Variants in RAB8B observed in about 807,000 individuals in gnomAD.
The protein encoded by RAB8B is ras-related protein Rab-8B.
Under a neutral mutation model 32.0 loss-of-function variants are expected in RAB8B, and 11 were observed. The ratio of observed to expected loss-of-function variants is 0.34; its 90% CI spans 0.22 to 0.57. RAB8B has a LOEUF of 0.57. RAB8B is among the 20% of genes least tolerant of loss of function. The pLI is 0.86. For missense variants in RAB8B, 190 were observed against 258.5 expected (o/e 0.73, Z 1.82); for synonymous variants, 103 against 89.6 (o/e 1.15, Z -0.85).
intron 3 of RAB8B, 62 bp downstream of exon 3, chr15:63,249,767 C>G: frequency 1.3e-6 from 2 of 1,499,124 alleles, no homozygotes; most frequent in South Asian, 2.3e-5. Flanking sequence ...TGTTTGTTTG[C>G]CAAGATTATA....
chr15:63,216,705 C>G (rs1001008025), intron 1 of RAB8B, among the ~76,000 whole-genome samples: 14 of 151,628 alleles, frequency 9.2e-5, no homozygotes, highest in African/African-American at 3.4e-4. Context: ...ACTAAAAATA[C>G]AAAAATTAGT....
intron 1 of RAB8B, among the ~76,000 whole-genome samples, chr15:63,228,758 T>C (rs1443270469): frequency 3.3e-5 from 5 of 152,250 alleles, no homozygotes; most frequent in Admixed American, 3.3e-4. Flanking sequence ...AACAAGATTA[T>C]ACTAAATGCT....
chr15:63,233,829 AG>A (rs1241244440), intron 1 of RAB8B, among the ~76,000 whole-genome samples: 1 of 152,180 alleles, frequency 6.6e-6, no homozygotes, highest in African/African-American at 2.4e-5. Context: ...TAACTGTAAA[AG>A]CACAGTATTT....
chr15:63,248,674 G>A lies in RAB8B; in HGVS notation c.186-971G>A, dbSNP rs769023181. Among the ~76,000 whole-genome samples the A allele has an allele frequency of 6.6e-6, 1 of 152,180 alleles. No homozygotes were observed. The highest frequency in any genetic ancestry group is 1.5e-5 in the Non-Finnish European group (1 of 68,042). ...CCTAATGGGCTGTGGTAGACATCAC[G>A]TGAGTGCAGTGTGAAAGTATTTTGT... On this transcript the variant is annotated intron_variant, in intron 2 of 7. Transcript: ENST00000321437. This position sits in a 1 kb window ranked among gnomAD's most constrained non-coding sequence, Gnocchi z 4.4.
At chr15:63,228,574 G>C (rs565948472) in intron 1 of RAB8B, among the ~76,000 whole-genome samples, 1 of 152,364 alleles carries the variant, frequency 6.6e-6, no homozygotes, top group South Asian at 2.1e-4. Flanking sequence ...CCCACATGCT[G>C]TCTTGCAGGT....
intron 1 of RAB8B, among the ~76,000 whole-genome samples, chr15:63,244,532 G>A (rs1156418039): frequency 2.6e-5 from 4 of 152,104 alleles, no homozygotes; most frequent in African/African-American, 9.7e-5. Flanking sequence ...GAATAATGAG[G>A]CATATAATAC....
At chr15:63,233,255 G>A (rs2037951113) in intron 1 of RAB8B, among the ~76,000 whole-genome samples, 1 of 150,806 alleles carries the variant, frequency 6.6e-6, no homozygotes. Flanking sequence ...TTAGAGGTGG[G>A]GTCTCATCAT....
chr15:63,220,295 T>C lies in RAB8B; in HGVS notation c.125-24461T>C, dbSNP rs1356984545. On this transcript the variant is annotated intron_variant, in intron 1 of 7. Coordinates refer to ENST00000321437, the MANE Select transcript of RAB8B (RefSeq NM_016530.3). The stretch of plus-strand genomic sequence containing the variant: ...TTGTTGCCTTTTCTTCATTCTAAAA[T>C]GAAGACATCTACTTTATGTATGCTT... Among the ~76,000 whole-genome samples, 4 of 152,356 alleles carry C rather than the reference T, an allele frequency of 2.6e-5. No homozygotes were observed. In the East Asian group the frequency reaches 7.7e-4, roughly 29 times the overall value.
chr15:63,191,497 A>G (rs2037555847), intron 1 of RAB8B, among the ~76,000 whole-genome samples: 2 of 152,218 alleles, frequency 1.3e-5, no homozygotes, highest in Admixed American at 6.5e-5. Context: ...CTGAAAAAGC[A>G]GATTTTAAAT....
chr15:63,226,828 G>A (rs1206685206), intron 1 of RAB8B, among the ~76,000 whole-genome samples: 1 of 152,126 alleles, frequency 6.6e-6, no homozygotes, highest in Non-Finnish European at 1.5e-5. Context: ...TAAAAGAATG[G>A]CTACTCCATA....
intron 1 of RAB8B, among the ~76,000 whole-genome samples, chr15:63,205,570 CA>C (rs1200717883): frequency 3.3e-5 from 5 of 152,028 alleles, no homozygotes; most frequent in African/African-American, 1.2e-4. Flanking sequence ...TGAAGGGCCT[CA>C]AGGCAGTGTA....
At position 63,266,753 on chromosome 15, in the gene RAB8B, G is replaced by A. The variant is rs949287296; in HGVS notation, c.*3134G>A. ...TAATAAATTTAGCTGTGCAATATAG[G>A]TGCGTTTTTGCAGAAGTTTCTAGTA... is the stretch of plus-strand genomic sequence containing the variant. On this transcript the variant is annotated 3_prime_UTR_variant, in exon 8 of 8. Coordinates refer to ENST00000321437, the MANE Select transcript of RAB8B (RefSeq NM_016530.3). 4 of 152,438 alleles carry A rather than the reference G, an allele frequency of 2.6e-5. No individual in the cohort carries two copies. The highest frequency in any genetic ancestry group is 9.7e-5 in the African/African-American group (4 of 41,426). The allele number at this position is 152,438 out of a possible 1,614,324, so 9.4% of individuals were successfully genotyped here.
chr15:63,252,805 A>G (rs1025108316), intron 3 of RAB8B, among the ~76,000 whole-genome samples: 6 of 150,598 alleles, frequency 4.0e-5, no homozygotes, highest in South Asian at 2.1e-4. Context: ...CTGGAGTGCA[A>G]TGGCACGATC....
rs2038088812 is a variant in RAB8B, at chr15:63,248,436, C to A, written c.186-1209C>A. ...CTGAGGCAGGAGAATCGCTTGAACC[C>A]AGGAGGCAGAGGTTGCAGTGAGCCA... On this transcript the variant is annotated intron_variant, in intron 2 of 7. Coordinates refer to ENST00000321437, the MANE Select transcript of RAB8B (RefSeq NM_016530.3). This position sits in a 1 kb window ranked among gnomAD's most constrained non-coding sequence, Gnocchi z 4.4. 1.3e-5 allele frequency among the ~76,000 whole-genome samples: 2 copies of A among 152,270 alleles called. No homozygotes were observed. The highest frequency in any genetic ancestry group is 3.9e-4 in the East Asian group (2 of 5,176).
chr15:63,228,906 A>C (rs2037910597), intron 1 of RAB8B, among the ~76,000 whole-genome samples: 1 of 152,224 alleles, frequency 6.6e-6, no homozygotes, highest in Non-Finnish European at 1.5e-5. Flanking sequence ...AGTAAGTGAA[A>C]ACTTTAGTTT....
chr15:63,256,455 A>G, intron 4 of RAB8B, 50 bp from the exon 5 acceptor site: 1 of 1,336,030 alleles, frequency 7.5e-7, no homozygotes. Context: ...TCTATTAAGT[A>G]ACGGGTTTTT....
intron 1 of RAB8B, among the ~76,000 whole-genome samples, chr15:63,220,677 C>G (rs1471523397): frequency 1.3e-5 from 2 of 152,120 alleles, no homozygotes; most frequent in Non-Finnish European, 2.9e-5. Context: ...AAGATTCATT[C>G]CAGTAGGATC....
intron 1 of RAB8B, among the ~76,000 whole-genome samples, chr15:63,244,499 C>T (rs563496860): frequency 4.6e-5 from 7 of 152,148 alleles, no homozygotes; most frequent in Non-Finnish European, 1.0e-4. Flanking sequence ...TATAACTTTG[C>T]AGGATGTGAT....
intron 3 of RAB8B, among the ~76,000 whole-genome samples, chr15:63,250,237 A>G (rs2038106296): frequency 6.6e-6 from 1 of 152,192 alleles, no homozygotes; most frequent in African/African-American, 2.4e-5. Context: ...GATGTTCTAG[A>G]ACTCCTCCAC....
Sources: gnomAD v4.1 joint callset for allele counts (sites outside exome capture counted in the v4.1 genomes callset) on GRCh38, gnomAD v4.1.1 for gene constraint, Gnocchi (gnomAD v3.1) non-coding constraint, MANE v1.5 for transcripts, NCBI Gene and HGNC (gene_info 2026-07-23, HGNC 2026-07-21) for gene names.